The following ALPL variants were observed in gnomAD, a reference collection of about 807,000 sequenced individuals.
ALPL encodes the protein alkaline phosphatase, biomineralization associated.
A neutral mutation model predicts 51.3 loss-of-function variants in ALPL; 42 were observed. The ratio of observed to expected loss-of-function variants is 0.82; its 90% CI spans 0.64 to 1.06. The LOEUF (loss-of-function observed/expected upper bound fraction) is 1.06. Ranked by LOEUF, ALPL falls within the 50% of genes least tolerant of loss-of-function variation. The pLI, the probability that ALPL is intolerant of heterozygous loss-of-function variation, is 0.00. For missense variants in ALPL, 589 were observed against 709.4 expected (o/e 0.83, Z 1.93); for synonymous variants, 279 against 296.4 (o/e 0.94, Z 0.60).
intron 11 of ALPL, among the ~76,000 whole-genome samples, chr1:21,576,927 T>C (rs1028889900): frequency 6.6e-6 from 1 of 152,208 alleles, no homozygotes; most frequent in African/African-American, 2.4e-5. Context: ...AATGACCAAA[T>C]GGGTCTGATG....
chr1:21,512,549 A>G (rs1643710001), intron 1 of ALPL, among the ~76,000 whole-genome samples: 1 of 152,158 alleles, frequency 6.6e-6, no homozygotes, highest in South Asian at 2.1e-4. Context: ...CCTACACAGC[A>G]GGGAAAACAC....
chr1:21,554,583 T>C (rs1456818438), intron 2 of ALPL, among the ~76,000 whole-genome samples: 2 of 151,164 alleles, frequency 1.3e-5, no homozygotes, highest in Admixed American at 6.6e-5. Context: ...CTCTGCCTCC[T>C]GGGTTCACGC....
At chr1:21,563,343 CT>C in intron 5 of ALPL, 59 bp downstream of exon 5, 2 of 1,545,922 alleles carry the variant, frequency 1.3e-6, no homozygotes, top group Non-Finnish European at 1.7e-6. Context: ...AGGCCTCAGT[CT>C]TTCTGACTGT....
intron 1 of ALPL, among the ~76,000 whole-genome samples, chr1:21,536,574 G>T (rs983398539): frequency 6.6e-6 from 1 of 152,154 alleles, no homozygotes; most frequent in African/African-American, 2.4e-5. Context: ...ATCTCTGAGA[G>T]GTTGCTTCCT....
chr1:21,572,481 CCAT>C (rs1338603887), intron 8 of ALPL, among the ~76,000 whole-genome samples: 3 of 152,144 alleles, frequency 2.0e-5, no homozygotes, highest in Non-Finnish European at 2.9e-5. Flanking sequence ...AAATCACACA[CCAT>C]CATTTCGGTG....
In ALPL at chr1:21,573,673, G is replaced by A. The variant is rs786204473; in HGVS notation, c.871G>A (p.Glu291Lys). ...HNVDYLLGLF[E>K]PGDMQYELNR... ...CCTGGCGTCCTCCTCAGGTCTCTTC[G>A]AGCCAGGGGACATGCAGTACGAGCT... is the stretch of plus-strand genomic sequence containing the variant. The change falls in exon 9 of 12, where the codon GAG becomes AAG. Residue 291 changes from glutamate (E) to lysine (K), a missense_variant. Glu to Lys is a moderately conservative substitution (Grantham distance 56, BLOSUM62 1). Coordinates refer to ENST00000374840, the MANE Select transcript of ALPL (RefSeq NM_000478.6). The A allele has an allele frequency of 1.2e-6, 2 of 1,613,774 alleles. No homozygotes were observed. The highest frequency in any genetic ancestry group is 1.7e-6 in the Non-Finnish European group (2 of 1,179,942).
chr1:21,563,106 G>A lies in ALPL; in HGVS notation c.298-4G>A, dbSNP rs1463007961. ...ATCTCCTGACCCTCCTCTCCCACCTGCAGACGTACAACACCAATGCCCAGG... is the reference window on the plus strand; with the variant it reads ...ATCTCCTGACCCTCCTCTCCCACCTACAGACGTACAACACCAATGCCCAGG... On this transcript the variant is annotated splice_region_variant and splice_polypyrimidine_tract_variant and intron_variant, in intron 4 of 11. Transcript: ENST00000374840. The A allele has an allele frequency of 3.1e-6, 5 of 1,613,426 alleles. No individual in the cohort carries two copies. The highest frequency in any genetic ancestry group is 1.7e-5 in the Admixed American group (1 of 60,012).
intron 8 of ALPL, 41 bp from the exon 9 acceptor site, chr1:21,573,624 A>G: frequency 6.2e-7 from 1 of 1,610,824 alleles, no homozygotes; most frequent in Non-Finnish European, 8.5e-7. Flanking sequence ...TAGCCGGGTC[A>G]CAGCCTCTCA....
rs187255765 is a variant in ALPL, at chr1:21,573,810, C to T, written c.997+11C>T. ...TCTTGCTGGTGGAAGGTAGGGACCC[C>T]GGGTCTGCTGAGAGGGGGCTGCTGG... On this transcript the variant is annotated intron_variant, in intron 9 of 11. Transcript: ENST00000374840. 3.1e-4 allele frequency: 502 copies of T among 1,614,074 alleles called. 5 individuals carry two copies. The East Asian group carries it at 6.3e-3, about 20-fold the overall frequency.
At chr1:21,551,819 G>T (rs1166224080) in intron 1 of ALPL, among the ~76,000 whole-genome samples, 1 of 142,552 alleles carries the variant, frequency 7.0e-6, no homozygotes, top group East Asian at 2.4e-4. Flanking sequence ...TCCGCCTCCC[G>T]GGTTCACGCC....
At chr1:21,548,400 C>T (rs1360018107) in intron 1 of ALPL, among the ~76,000 whole-genome samples, 3 of 152,234 alleles carry the variant, frequency 2.0e-5, no homozygotes, top group African/African-American at 7.2e-5. Context: ...TATCTCAATG[C>T]CTATCCCTGG....
chr1:21,541,539 C>T (rs1644184710), intron 1 of ALPL, among the ~76,000 whole-genome samples: 1 of 152,272 alleles, frequency 6.6e-6, no homozygotes, highest in Admixed American at 6.5e-5. Context: ...CCTCTGCCAG[C>T]CACGGGGCTG....
intron 1 of ALPL, among the ~76,000 whole-genome samples, chr1:21,545,271 G>A (rs533304751): frequency 1.3e-5 from 2 of 151,060 alleles, no homozygotes; most frequent in South Asian, 4.2e-4. Flanking sequence ...CAAGTTTTGG[G>A]GGTTTTTTTG....
intron 9 of ALPL, among the ~76,000 whole-genome samples, chr1:21,575,175 G>A (rs1185036339): frequency 6.6e-6 from 1 of 152,224 alleles, no homozygotes; most frequent in East Asian, 1.9e-4. Flanking sequence ...GGGATGATTT[G>A]AGGTAGAGAT....
intron 1 of ALPL, among the ~76,000 whole-genome samples, chr1:21,514,157 G>T (rs567686196): frequency 4.9e-4 from 74 of 152,146 alleles, no homozygotes; most frequent in Admixed American, 9.8e-4. Context: ...TTCCTGCTTC[G>T]GTGGTCCTCA....
intron 1 of ALPL, among the ~76,000 whole-genome samples, chr1:21,545,623 G>A (rs980203795): frequency 6.6e-6 from 1 of 151,590 alleles, no homozygotes; most frequent in African/African-American, 2.4e-5. Context: ...ATCAAATGTC[G>A]CCAACTGTTC....
chr1:21,554,863 T>TTCTTTCTTTCTC (rs1558544082), intron 2 of ALPL, among the ~76,000 whole-genome samples: 4 of 135,522 alleles, frequency 3.0e-5, no homozygotes, highest in African/African-American at 1.1e-4. Context: ...CTTTCTTTCT[T>TTCTTTCTTTCTC]TCTTTCTTTC....
chr1:21,574,937 A>G (rs1430876923), intron 9 of ALPL, among the ~76,000 whole-genome samples: 1 of 152,254 alleles, frequency 6.6e-6, no homozygotes, highest in African/African-American at 2.4e-5. Context: ...AGTGTCCACC[A>G]GGCAGCGCCC....
intron 1 of ALPL, among the ~76,000 whole-genome samples, chr1:21,513,324 ACT>A (rs1175480984): frequency 6.6e-6 from 1 of 151,648 alleles, no homozygotes; most frequent in Admixed American, 6.6e-5. Flanking sequence ...AAAGGCAACC[ACT>A]CTCCTGAATT....
Sources: allele counts gnomAD v4.1 joint callset (sites outside exome capture counted in the v4.1 genomes callset), GRCh38; gene constraint gnomAD v4.1.1; transcripts MANE v1.5; gene names NCBI Gene and HGNC (gene_info 2026-07-23, HGNC 2026-07-21).